The following SUPT3H variants were observed in gnomAD, a reference collection of about 807,000 sequenced individuals.
The protein encoded by SUPT3H is SPT3 homolog, SAGA and STAGA complex component.
SUPT3H carries 44 observed loss-of-function variants against 44.3 expected under a neutral mutation model. The ratio of observed to expected loss-of-function variants is 0.99; its 90% CI spans 0.78 to 1.28. The LOEUF is 1.28. Ranked by LOEUF, SUPT3H falls within the 50% of genes most tolerant of loss-of-function variation. The pLI is 0.00. For missense variants in SUPT3H, 380 were observed against 387.1 expected (o/e 0.98, Z 0.15); for synonymous variants, 124 against 125.6 (o/e 0.99, Z 0.09).
chr6:45,045,685 C>T (rs559287634), intron 3 of SUPT3H, among the ~76,000 whole-genome samples: 1 of 152,282 alleles, frequency 6.6e-6, no homozygotes, highest in Admixed American at 6.5e-5. Flanking sequence ...AATATTTTCA[C>T]ATGTGCTTAC....
chr6:45,049,492 T>C (rs1005902336), intron 3 of SUPT3H, among the ~76,000 whole-genome samples: 1 of 152,188 alleles, frequency 6.6e-6, no homozygotes, highest in African/African-American at 2.4e-5. Flanking sequence ...ATGGATTTTC[T>C]AGGTCCCCTT....
intron 1 of SUPT3H, 120 bp downstream of exon 1, chr6:45,377,648 G>C (rs924007203): frequency 3.3e-5 from 5 of 152,190 alleles, no homozygotes; most frequent in African/African-American, 1.2e-4. Flanking sequence ...CTCGAGCCGG[G>C]GCCAGGGCGT....
intron 10 of SUPT3H, among the ~76,000 whole-genome samples, chr6:44,886,064 G>C (rs1478279531): frequency 2.0e-5 from 3 of 152,090 alleles, no homozygotes; most frequent in Non-Finnish European, 2.9e-5. Context: ...GAAGTTTAGA[G>C]AAAAAAGAAT....
At chr6:45,089,123 G>A (rs892596583) in intron 3 of SUPT3H, among the ~76,000 whole-genome samples, 17 of 151,898 alleles carry the variant, frequency 1.1e-4, no homozygotes, top group African/African-American at 3.9e-4. Flanking sequence ...AAAATTTTAT[G>A]GCAAAATGCT....
intron 3 of SUPT3H, among the ~76,000 whole-genome samples, chr6:45,070,468 G>A (rs751324083): frequency 5.9e-5 from 9 of 152,116 alleles, no homozygotes; most frequent in Non-Finnish European, 1.0e-4. Context: ...CTTTGGCCGG[G>A]CATGGTGGCT....
At chr6:45,345,908 T>TG (rs1421967960) in intron 2 of SUPT3H, among the ~76,000 whole-genome samples, 21 of 152,170 alleles carry the variant, frequency 1.4e-4, no homozygotes, top group Non-Finnish European at 3.1e-4. Flanking sequence ...GTAAGCTATT[T>TG]GCTCCAAATG....
chr6:45,242,590 T>C (rs1172998044), intron 2 of SUPT3H, among the ~76,000 whole-genome samples: 2 of 152,144 alleles, frequency 1.3e-5, no homozygotes, highest in Non-Finnish European at 1.5e-5. Context: ...TGGAAAGCAG[T>C]AGACTATAAT....
At chr6:45,264,816 GGAAA>G (rs1774985759) in intron 2 of SUPT3H, among the ~76,000 whole-genome samples, 1 of 151,436 alleles carries the variant, frequency 6.6e-6, no homozygotes, top group Non-Finnish European at 1.5e-5. Flanking sequence ...AGGAAGGAGA[GGAAA>G]GAGACAAATG....
At chr6:44,895,978 AC>A (rs1764068506) in intron 10 of SUPT3H, among the ~76,000 whole-genome samples, 2 of 151,968 alleles carry the variant, frequency 1.3e-5, no homozygotes, top group East Asian at 3.9e-4. Flanking sequence ...AAGACTTCTT[AC>A]TTTTGAAGGA....
chr6:45,335,184 CTTTT>C (rs1437482880), intron 2 of SUPT3H, among the ~76,000 whole-genome samples: 2 of 151,132 alleles, frequency 1.3e-5, no homozygotes, highest in African/African-American at 4.8e-5. Context: ...AATTAACTTT[CTTTT>C]TAAATTTCTG....
chr6:45,061,474 G>A (rs950209722), intron 3 of SUPT3H, among the ~76,000 whole-genome samples: 28 of 152,100 alleles, frequency 1.8e-4, no homozygotes, highest in Admixed American at 1.8e-3. Flanking sequence ...GCATCAGGAA[G>A]AATAGCTAAT....
At chr6:44,814,824 G>A (rs1338355399) in intron 11 of SUPT3H, among the ~76,000 whole-genome samples, 1 of 152,040 alleles carries the variant, frequency 6.6e-6, no homozygotes, top group Non-Finnish European at 1.5e-5. Flanking sequence ...TTACAAGTGT[G>A]CGTCACCACG....
At chr6:45,121,868 G>A (rs1801728675) in intron 2 of SUPT3H, among the ~76,000 whole-genome samples, 1 of 151,700 alleles carries the variant, frequency 6.6e-6, no homozygotes, top group Admixed American at 6.6e-5. Context: ...AGTAGAGACG[G>A]GGTTTCACCA....
chr6:45,125,107 A>C (rs555579664), intron 2 of SUPT3H, among the ~76,000 whole-genome samples: 1 of 152,344 alleles, frequency 6.6e-6, no homozygotes, highest in South Asian at 2.1e-4. Context: ...GTGGATGTCT[A>C]ACAACCTCAA....
At chr6:45,330,485 C>G (rs1319054621) in intron 2 of SUPT3H, among the ~76,000 whole-genome samples, 1 of 151,854 alleles carries the variant, frequency 6.6e-6, no homozygotes, top group Non-Finnish European at 1.5e-5. Context: ...CTCTGTTTAA[C>G]TATTTATTTT....
chr6:45,115,173 T>G (rs1800655177), intron 2 of SUPT3H, among the ~76,000 whole-genome samples: 1 of 152,136 alleles, frequency 6.6e-6, no homozygotes, highest in Admixed American at 6.5e-5. Flanking sequence ...GTTTCTCCCA[T>G]GTTACATAAA....
At chr6:45,091,432 C>G (rs551688234) in intron 3 of SUPT3H, among the ~76,000 whole-genome samples, 49 of 152,042 alleles carry the variant, frequency 3.2e-4, no homozygotes, top group African/African-American at 1.1e-3. Flanking sequence ...TTAGAAGGGA[C>G]CTTACAGACA....
At chr6:45,324,359 A>T (rs1398766300) in intron 2 of SUPT3H, among the ~76,000 whole-genome samples, 1 of 152,042 alleles carries the variant, frequency 6.6e-6, no homozygotes, top group Non-Finnish European at 1.5e-5. Flanking sequence ...AGTCTCTATA[A>T]TCAGATGCCA....
At chr6:45,131,933 G>C (rs1803529581) in intron 2 of SUPT3H, among the ~76,000 whole-genome samples, 1 of 152,110 alleles carries the variant, frequency 6.6e-6, no homozygotes, top group Non-Finnish European at 1.5e-5. Context: ...AAACTGGGTA[G>C]TACGGAATCC....
Sources: gnomAD v4.1 joint callset for allele counts (sites outside exome capture counted in the v4.1 genomes callset) on GRCh38, gnomAD v4.1.1 for gene constraint, MANE v1.5 for transcripts, NCBI Gene and HGNC (gene_info 2026-07-23, HGNC 2026-07-21) for gene names.